The following CSMD1 variants were observed in gnomAD, a reference collection of about 807,000 sequenced individuals.
CSMD1 encodes the protein CUB and Sushi multiple domains 1, also known as CUB and sushi domain-containing protein 1.
In CSMD1, 213 loss-of-function variants were observed where a neutral mutation model predicts 417.5. The ratio of observed to expected loss-of-function variants is 0.51; its 90% CI spans 0.46 to 0.57. The LOEUF (loss-of-function observed/expected upper bound fraction) is 0.57. Among genes scored for constraint, CSMD1 ranks in the 20% least tolerant of loss-of-function variants. The pLI is 0.00. For missense variants in CSMD1, 6,923 were observed against 4,529.7 expected (o/e 1.53, Z -15.17); for synonymous variants, 2,862 against 1,736.8 (o/e 1.65, Z -16.11).
intron 54 of CSMD1, among the ~76,000 whole-genome samples, chr8:2,990,302 AG>A (rs1806265497): frequency 1.3e-5 from 2 of 152,208 alleles, no homozygotes; most frequent in African/African-American, 2.4e-5. Flanking sequence ...TATTCCTCTG[AG>A]AACTGAATGA....
chr8:3,895,532 T>C (rs1807301936), intron 5 of CSMD1, among the ~76,000 whole-genome samples: 1 of 152,102 alleles, frequency 6.6e-6, no homozygotes, highest in South Asian at 2.1e-4. Flanking sequence ...AGGGAATAAA[T>C]ATGATCCTAA....
At chr8:3,463,788 T>A (rs1298162776) in intron 12 of CSMD1, among the ~76,000 whole-genome samples, 1 of 152,168 alleles carries the variant, frequency 6.6e-6, no homozygotes, top group Non-Finnish European at 1.5e-5. Flanking sequence ...ATCAATGCTG[T>A]CTCAAAAGTT....
intron 6 of CSMD1, among the ~76,000 whole-genome samples, chr8:3,735,248 G>T (rs1398807313): frequency 2.6e-5 from 4 of 152,092 alleles, no homozygotes; most frequent in Non-Finnish European, 4.4e-5. Flanking sequence ...GATATTTAGT[G>T]ATATTACTCA....
intron 5 of CSMD1, among the ~76,000 whole-genome samples, chr8:3,854,866 T>G (rs1804184094): frequency 6.6e-6 from 1 of 152,204 alleles, no homozygotes; most frequent in Admixed American, 6.6e-5. Flanking sequence ...CTAATCCATT[T>G]CAGAGTAAAA....
At position 3,576,789 on chromosome 8, in the gene CSMD1, T is replaced by C. The variant is rs372072602; in HGVS notation, c.1223-1723A>G. 2.6e-5 allele frequency among the ~76,000 whole-genome samples: 4 copies of C among 152,302 alleles called. No homozygotes were observed. In the South Asian group the frequency reaches 6.2e-4, roughly 24 times the overall value. ...TGTTCTCAGAGAGGATCATAAACTT[T>C]AGATGTGAAATCTTAAAGCCCTCTA... On this transcript the variant is annotated intron_variant, in intron 9 of 69. Transcript: ENST00000635120.
intron 3 of CSMD1, among the ~76,000 whole-genome samples, chr8:4,115,410 CTA>C (rs1385345883): frequency 4.6e-5 from 7 of 152,146 alleles, no homozygotes; most frequent in African/African-American, 9.7e-5. Flanking sequence ...CAACATATTC[CTA>C]TGATTCATTT....
intron 3 of CSMD1, among the ~76,000 whole-genome samples, chr8:4,168,655 T>C (rs1281475744): frequency 6.6e-6 from 1 of 152,032 alleles, no homozygotes; most frequent in African/African-American, 2.4e-5. Context: ...TACTCTGGAG[T>C]ACATCATTCT....
intron 3 of CSMD1, among the ~76,000 whole-genome samples, chr8:4,195,094 T>C (rs531970617): frequency 1.1e-4 from 16 of 152,270 alleles, no homozygotes; most frequent in African/African-American, 3.9e-4. Flanking sequence ...GCCCATGAAA[T>C]TGGAAACAGA....
At chr8:4,610,379 T>A (rs112844209) in intron 2 of CSMD1, among the ~76,000 whole-genome samples, 1 of 152,200 alleles carries the variant, frequency 6.6e-6, no homozygotes, top group Non-Finnish European at 1.5e-5. Context: ...ATCTTTCTAA[T>A]GACACCATGC....
rs570093134 is a variant in CSMD1 at position 4,620,706 on chromosome 8, C to A, written c.302+16636G>T. 1.4e-4 allele frequency among the ~76,000 whole-genome samples: 21 copies of A among 151,704 alleles called. No individual in the cohort carries two copies. The East Asian group carries it at 3.7e-3, about 27-fold the overall frequency. On this transcript the variant is annotated intron_variant, in intron 2 of 69. Transcript: ENST00000635120. ...AAGAGAAGTTAGAAAATATTTTAAA[C>A]TAAATTACTAGTAAATCACTATAAA...
intron 11 of CSMD1, among the ~76,000 whole-genome samples, chr8:3,481,064 G>C (rs923485416): frequency 6.7e-6 from 1 of 149,738 alleles, no homozygotes; most frequent in South Asian, 2.2e-4. Context: ...GCTGAGGCAG[G>C]AGAGTGCTTT....
At chr8:4,830,911 T>G (rs975210624) in intron 1 of CSMD1, among the ~76,000 whole-genome samples, 1 of 152,158 alleles carries the variant, frequency 6.6e-6, no homozygotes, top group African/African-American at 2.4e-5. Flanking sequence ...TAATGAACTT[T>G]CAGTGAACTT....
intron 3 of CSMD1, among the ~76,000 whole-genome samples, chr8:4,407,541 C>T (rs1446938366): frequency 6.6e-6 from 1 of 152,112 alleles, no homozygotes; most frequent in Non-Finnish European, 1.5e-5. Context: ...GTACAGATAT[C>T]TTGTGCTAAT....
At chr8:3,904,780 G>A (rs928128208) in intron 5 of CSMD1, among the ~76,000 whole-genome samples, 1 of 151,878 alleles carries the variant, frequency 6.6e-6, no homozygotes, top group Non-Finnish European at 1.5e-5. Context: ...GAGATTACAG[G>A]TGTGCATCAC....
At chr8:3,721,769 A>G (rs1311959800) in intron 6 of CSMD1, among the ~76,000 whole-genome samples, 1 of 152,210 alleles carries the variant, frequency 6.6e-6, no homozygotes, top group African/African-American at 2.4e-5. Context: ...CATGAGGATA[A>G]TAGAATTTCT....
chr8:3,124,994 G>A (rs551578460), intron 41 of CSMD1, among the ~76,000 whole-genome samples: 1 of 152,146 alleles, frequency 6.6e-6, no homozygotes, highest in African/African-American at 2.4e-5. Flanking sequence ...TTGTTAAACT[G>A]AGTACTTAAC....
At chr8:3,987,733 T>G (rs574975258) in intron 5 of CSMD1, among the ~76,000 whole-genome samples, 12 of 152,202 alleles carry the variant, frequency 7.9e-5, no homozygotes, top group African/African-American at 2.9e-4. Flanking sequence ...CAGCATAAAG[T>G]GCAAAATGGA....
intron 3 of CSMD1, among the ~76,000 whole-genome samples, chr8:4,119,735 A>T (rs1000803541): frequency 1.3e-5 from 2 of 152,190 alleles, no homozygotes; most frequent in African/African-American, 4.8e-5. Context: ...TCCAGCCTCC[A>T]AACAGTGGGA....
chr8:3,175,479 T>TTCCTTCCTTCTTTTC (rs71513024), intron 37 of CSMD1, among the ~76,000 whole-genome samples: 4 of 27,686 alleles, frequency 1.4e-4, no homozygotes, highest in Admixed American at 7.2e-4. Context: ...TCTTTTCCCT[T>TTCCTTCCTTCTTTTC]CCTTCCTGCC....
Sources: gnomAD v4.1 joint callset for allele counts (sites outside exome capture counted in the v4.1 genomes callset) on GRCh38, gnomAD v4.1.1 for gene constraint, MANE v1.5 for transcripts, NCBI Gene and HGNC (gene_info 2026-07-23, HGNC 2026-07-21) for gene names.